The following SCHIP1 variants were observed in gnomAD, a reference collection of about 807,000 sequenced individuals.
SCHIP1 encodes the protein schwannomin-interacting protein 1.
A neutral mutation model predicts 29.7 loss-of-function variants in SCHIP1; 8 were observed. That is an observed-to-expected ratio of 0.27 (90% CI 0.16 to 0.49). SCHIP1 has a LOEUF of 0.49. SCHIP1 is among the 20% of genes least tolerant of loss of function. SCHIP1 has a pLI of 0.99. For synonymous variants in SCHIP1, 76 were observed against 94.9 expected, an observed-to-expected ratio of 0.80 and a Z score of 1.16; for missense variants, 193 against 294.6, an observed-to-expected ratio of 0.66 and a Z score of 2.52.
At chr3:159,378,914 T>C in the SCHIP1 span, among the ~76,000 whole-genome samples, 3 of 152,218 alleles carry the variant, frequency 2.0e-5, no homozygotes, top group Non-Finnish European at 4.4e-5. Flanking sequence ...CTGTCTCTGC[T>C]TCTCTGTTGA....
At chr3:159,893,233 G>A (rs548616895) in intron 6 of SCHIP1, 5 of 152,164 alleles carry the variant, frequency 3.3e-5, no homozygotes, top group Non-Finnish European at 7.4e-5. Context: ...TAAGACTTAC[G>A]GGCAGCACTG....
At chr3:159,425,411 A>G in the SCHIP1 span, among the ~76,000 whole-genome samples, 1 of 151,270 alleles carries the variant, frequency 6.6e-6, no homozygotes, top group Non-Finnish European at 1.5e-5. Context: ...GATAAAACAG[A>G]CTTTAAACCA....
chr3:159,480,559 T>C, the SCHIP1 span, among the ~76,000 whole-genome samples: 1 of 152,224 alleles, frequency 6.6e-6, no homozygotes, highest in African/African-American at 2.4e-5. Flanking sequence ...GTTTTTCTTT[T>C]CTTATTGCTT....
At chr3:159,892,530 T>A in intron 6 of SCHIP1, 1 of 501,832 alleles carries the variant, frequency 2.0e-6, no homozygotes. Context: ...CTGGCATGTT[T>A]CCAGCACAAG....
chr3:159,449,237 T>C, the SCHIP1 span, among the ~76,000 whole-genome samples: 2 of 152,178 alleles, frequency 1.3e-5, no homozygotes, highest in Non-Finnish European at 1.5e-5. Flanking sequence ...TGACTCCATT[T>C]GTAAAATGGT....
the SCHIP1 span, among the ~76,000 whole-genome samples, chr3:159,655,978 A>C: frequency 6.6e-6 from 1 of 152,338 alleles, no homozygotes; most frequent in East Asian, 1.9e-4. Context: ...GATGAATGAG[A>C]GTTTTCCAGA....
At chr3:159,462,884 A>T in the SCHIP1 span, among the ~76,000 whole-genome samples, 2 of 152,136 alleles carry the variant, frequency 1.3e-5, no homozygotes, top group African/African-American at 4.8e-5. Context: ...CAAGTCTATG[A>T]TAGGGGAAAA....
the SCHIP1 span, among the ~76,000 whole-genome samples, chr3:159,531,640 TAGAAACCTGATCCAGAA>T: frequency 6.6e-6 from 1 of 152,196 alleles, no homozygotes. Flanking sequence ...TATGTAAGTC[TAGAAACCTGATCCAGAA>T]AGTCATGCCC....
chr3:159,817,119 G>A, the SCHIP1 span, among the ~76,000 whole-genome samples: 32 of 152,132 alleles, frequency 2.1e-4, no homozygotes, highest in African/African-American at 6.5e-4. Flanking sequence ...TATCTCAAGC[G>A]CTTAATAAAT....
intron 2 of SCHIP1, 65 bp from the exon 4 acceptor site, chr3:159,886,142 T>C: frequency 6.3e-7 from 1 of 1,576,716 alleles, no homozygotes; most frequent in Non-Finnish European, 8.7e-7. Context: ...ATCAGACAGT[T>C]CTATTGGCTG....
the SCHIP1 span, among the ~76,000 whole-genome samples, chr3:159,813,166 A>ACT: frequency 6.6e-6 from 1 of 152,192 alleles, no homozygotes; most frequent in Non-Finnish European, 1.5e-5. Context: ...ACCATATTCA[A>ACT]ACCATAGCAG....
chr3:159,462,362 C>T, the SCHIP1 span, among the ~76,000 whole-genome samples: 1 of 152,140 alleles, frequency 6.6e-6, no homozygotes, highest in African/African-American at 2.4e-5. Flanking sequence ...GAGATCTCCC[C>T]AACCTGCCCT....
the SCHIP1 span, among the ~76,000 whole-genome samples, chr3:159,278,246 AACC>A: frequency 2.6e-5 from 4 of 152,162 alleles, no homozygotes; most frequent in Non-Finnish European, 4.4e-5. Context: ...CTCCTTGAGA[AACC>A]ACCCACTTGA....
intron 3 of SCHIP1, chr3:159,886,818 C>T: frequency 6.3e-6 from 1 of 159,586 alleles, no homozygotes; most frequent in Non-Finnish European, 1.4e-5. Flanking sequence ...CAAGACTGGG[C>T]AATTTACAAA....
chr3:159,593,337 C>G, the SCHIP1 span, among the ~76,000 whole-genome samples: 1 of 152,138 alleles, frequency 6.6e-6, no homozygotes, highest in African/African-American at 2.4e-5. Context: ...AGGCTGCCCT[C>G]TTTATGGGTA....
At chr3:159,376,935 AG>A in the SCHIP1 span, among the ~76,000 whole-genome samples, 1 of 152,168 alleles carries the variant, frequency 6.6e-6, no homozygotes, top group Non-Finnish European at 1.5e-5. Flanking sequence ...TCGCTATTAT[AG>A]TTTTTAAATG....
At chr3:159,363,225 CA>C in the SCHIP1 span, among the ~76,000 whole-genome samples, 1 of 152,006 alleles carries the variant, frequency 6.6e-6, no homozygotes, top group African/African-American at 2.4e-5. Flanking sequence ...TCAAGTGATT[CA>C]AAATACAAAA....
the SCHIP1 span, among the ~76,000 whole-genome samples, chr3:159,505,885 G>A: frequency 6.6e-6 from 1 of 152,140 alleles, no homozygotes; most frequent in East Asian, 1.9e-4. Flanking sequence ...TGGGCATTTG[G>A]GTTGGTTCCA....
chr3:159,507,349 T>G, the SCHIP1 span, among the ~76,000 whole-genome samples: 2 of 152,108 alleles, frequency 1.3e-5, no homozygotes, highest in South Asian at 2.1e-4. Flanking sequence ...GTTGCTTATC[T>G]CTTAAGGAGA....
Sources: gnomAD v4.1 joint callset for allele counts (sites outside exome capture counted in the v4.1 genomes callset) on GRCh38, gnomAD v4.1.1 for gene constraint, MANE v1.5 for transcripts, NCBI Gene and HGNC (gene_info 2026-07-23, HGNC 2026-07-21) for gene names.